Variants in LCORL observed in about 807,000 individuals in gnomAD.
The protein encoded by LCORL is ligand-dependent nuclear receptor corepressor-like protein.
LCORL carries 41 observed loss-of-function variants against 141.8 expected under a neutral mutation model. The observed-to-expected ratio is 0.29, with a 90% CI of 0.23 to 0.38. The LOEUF (loss-of-function observed/expected upper bound fraction) is 0.38, where lower values mean the gene tolerates loss of function less well. Among genes scored for constraint, LCORL ranks in the 10% least tolerant of loss-of-function variants. LCORL has a pLI of 1.00. For missense variants in LCORL, 1,759 were observed against 2,035.0 expected (o/e 0.86, Z 2.61); for synonymous variants, 618 against 694.1 (o/e 0.89, Z 1.72).
At chr4:17,878,315 G>A (rs1727125251) in intron 6 of LCORL, 102 bp from the exon 7 acceptor site, 1 of 674,318 alleles carries the variant, frequency 1.5e-6, no homozygotes, top group South Asian at 8.0e-5. Flanking sequence ...GGTATTGCTG[G>A]ACTCCTGACT....
At chr4:17,869,917 AATCTTT>A (rs1379685340) in intron 7 of LCORL, among the ~76,000 whole-genome samples, 1 of 152,016 alleles carries the variant, frequency 6.6e-6, no homozygotes, top group Non-Finnish European at 1.5e-5. Context: ...TTTTTCTTCT[AATCTTT>A]AAGACATTGA....
At chr4:17,865,377 C>G (rs1725519483) in intron 7 of LCORL, among the ~76,000 whole-genome samples, 1 of 152,094 alleles carries the variant, frequency 6.6e-6, no homozygotes, top group Non-Finnish European at 1.5e-5. Context: ...CAACACATCT[C>G]TAGGCAGGGT....
intron 1 of LCORL, among the ~76,000 whole-genome samples, chr4:17,992,659 A>G (rs1720226322): frequency 6.6e-6 from 1 of 152,196 alleles, no homozygotes; most frequent in African/African-American, 2.4e-5. Context: ...TCAGTCAAGG[A>G]GCAAATCTGA....
intron 7 of LCORL, among the ~76,000 whole-genome samples, chr4:17,854,283 T>C (rs530080049): frequency 9.9e-5 from 15 of 152,254 alleles, no homozygotes; most frequent in African/African-American, 3.6e-4. Flanking sequence ...TGTAAAGCAC[T>C]TGGCACAGAG....
intron 4 of LCORL, chr4:17,912,249 C>G (rs866662332): frequency 1.4e-6 from 1 of 722,650 alleles, no homozygotes; most frequent in Non-Finnish European, 2.6e-6. Context: ...ACATTATGGG[C>G]TCCTGCAAGG....
intron 7 of LCORL, among the ~76,000 whole-genome samples, chr4:17,868,307 G>C (rs984039345): frequency 4.7e-4 from 71 of 152,124 alleles, no homozygotes; most frequent in African/African-American, 1.6e-3. Flanking sequence ...AGAAGAAGCT[G>C]ACAAACTTTT....
At chr4:17,987,499 T>G (rs1485709278) in intron 1 of LCORL, among the ~76,000 whole-genome samples, 1 of 152,200 alleles carries the variant, frequency 6.6e-6, no homozygotes, top group Non-Finnish European at 1.5e-5. Flanking sequence ...TTTGCTATTG[T>G]GAATAACACT....
chr4:17,894,865 A>G lies in LCORL; in HGVS notation c.683-8704T>C, dbSNP rs141531857. 5.5e-3 allele frequency among the ~76,000 whole-genome samples: 841 copies of G among 152,234 alleles called. 8 individuals carry two copies. The highest frequency in any genetic ancestry group is 8.9e-3 in the Non-Finnish European group (603 of 68,008). On this transcript the variant is annotated intron_variant, in intron 5 of 7. Coordinates refer to ENST00000635767, the Ensembl canonical transcript of LCORL. ...ATCCGTGTTCAACATTTTTGGTAAG[A>G]ATACTTCACAGGTGAAGTGACATAT...
chr4:17,880,228 A>T (rs1331738809), intron 6 of LCORL: 2 of 156,212 alleles, frequency 1.3e-5, no homozygotes, highest in African/African-American at 4.8e-5. Flanking sequence ...CAAATTACAG[A>T]ACTTCACAAT....
At chr4:17,846,457 C>T (rs1396039734) in intron 7 of LCORL, among the ~76,000 whole-genome samples, 2 of 152,234 alleles carry the variant, frequency 1.3e-5, no homozygotes, top group African/African-American at 4.8e-5. Context: ...AGCCCTTTCT[C>T]TTTTCCTTAT....
At chr4:17,897,510 T>G (rs1291883979) in intron 5 of LCORL, among the ~76,000 whole-genome samples, 1 of 152,046 alleles carries the variant, frequency 6.6e-6, no homozygotes, top group Non-Finnish European at 1.5e-5. Flanking sequence ...AAACACAATT[T>G]GTATAGAAAA....
rs1727953314 is a variant in LCORL at position 17,884,043 on chromosome 4, C to T, written c.776+2025G>A. ...TCAGTATTTTCAGAGGTTCCATCAA[C>T]TGTTCCATTTTTAGAATTAAGACAC... On this transcript the variant is annotated intron_variant, in intron 6 of 7. Transcript: ENST00000635767. The surrounding 1 kb of genome is among the most constrained non-coding windows in gnomAD (Gnocchi z 4.4). The T allele has an allele frequency of 6.4e-7, 1 of 1,550,636 alleles. No homozygotes were observed. The highest frequency in any genetic ancestry group is 1.4e-5 in the African/African-American group (1 of 72,938).
At chr4:17,923,551 C>T (rs953672481) in intron 4 of LCORL, among the ~76,000 whole-genome samples, 9 of 152,128 alleles carry the variant, frequency 5.9e-5, no homozygotes, top group African/African-American at 1.7e-4. Context: ...GAGGCTGAGA[C>T]AGGAGAATCG....
rs1713933784 is a variant in LCORL, at chr4:17,962,137, T to C, written c.301-105A>G. The C allele has an allele frequency of 1.9e-5, 12 of 642,960 alleles. No individual in the cohort carries two copies. The Middle Eastern group carries it at 2.9e-3, about 156-fold the overall frequency. 39.8% of individuals were successfully genotyped at this position (642,960 alleles called of 1,614,324 possible). On this transcript the variant is annotated intron_variant, in intron 3 of 7. Coordinates refer to ENST00000635767, the Ensembl canonical transcript of LCORL. ...TAATGCTCTAAATGCCCATTTGTTC[T>C]GCTCTTTAAATTGTATCAAATTAGA...
intron 1 of LCORL, among the ~76,000 whole-genome samples, chr4:18,002,728 C>T (rs960920526): frequency 6.6e-6 from 1 of 152,106 alleles, no homozygotes; most frequent in African/African-American, 2.4e-5. Flanking sequence ...ATTCATTATG[C>T]TTTCTCCTAT....
In LCORL at chr4:17,909,354, G is replaced by A; in HGVS notation, c.431-9C>T. On this transcript the variant is annotated splice_polypyrimidine_tract_variant and intron_variant, in intron 4 of 7. Transcript: ENST00000635767. ...ACAGTTCTGAGGAAGATCTAGGGAA[G>A]AAATAAATATAATAATCATTTTAAA... is the stretch of plus-strand genomic sequence containing the variant. The A allele has an allele frequency of 6.5e-7, 1 of 1,546,002 alleles. No homozygotes were observed. The highest frequency in any genetic ancestry group is 1.2e-5 in the South Asian group (1 of 80,936).
chr4:17,951,539 C>A (rs1739727562), intron 4 of LCORL, among the ~76,000 whole-genome samples: 1 of 152,124 alleles, frequency 6.6e-6, no homozygotes, highest in Non-Finnish European at 1.5e-5. Context: ...CATCTCTGCT[C>A]AAATGTCATC....
At chr4:17,935,013 G>C (rs1190832034) in intron 4 of LCORL, among the ~76,000 whole-genome samples, 1 of 152,082 alleles carries the variant, frequency 6.6e-6, no homozygotes, top group Non-Finnish European at 1.5e-5. Flanking sequence ...TCAATATGTA[G>C]TTTCATAGAG....
At chr4:17,986,251 A>G (rs1718948407) in intron 1 of LCORL, among the ~76,000 whole-genome samples, 1 of 152,000 alleles carries the variant, frequency 6.6e-6, no homozygotes, top group African/African-American at 2.4e-5. Context: ...ATGATCTTGC[A>G]CAGAATCTTT....
Sources: gnomAD v4.1 joint callset for allele counts (sites outside exome capture counted in the v4.1 genomes callset) on GRCh38, gnomAD v4.1.1 for gene constraint, Gnocchi (gnomAD v3.1) non-coding constraint, MANE v1.5 for transcripts, NCBI Gene and HGNC (gene_info 2026-07-23, HGNC 2026-07-21) for gene names.